Variants in ZNG1C observed in about 807,000 individuals in gnomAD.
ZNG1C encodes zinc-regulated GTPase metalloprotein activator 1C.
At chr9:68,281,279 G>T in the ZNG1C span, among the ~76,000 whole-genome samples, 1 of 152,278 alleles carries the variant, frequency 6.6e-6, no homozygotes, top group Non-Finnish European at 1.5e-5. Flanking sequence ...AGATGGAAAT[G>T]GAGAAATCGC....
the ZNG1C span, among the ~76,000 whole-genome samples, chr9:68,293,283 C>A: frequency 3.3e-5 from 5 of 152,272 alleles, no homozygotes; most frequent in Admixed American, 2.6e-4. Flanking sequence ...ACCAAAAAAA[C>A]AAGGTATACA....
the ZNG1C span, among the ~76,000 whole-genome samples, chr9:68,287,366 CT>C: frequency 6.6e-6 from 1 of 152,122 alleles, no homozygotes; most frequent in Admixed American, 6.5e-5. Context: ...AGGATTGGGA[CT>C]TGGGTATGTG....
chr9:68,299,107 G>C, the ZNG1C span: 2,332 of 1,608,812 alleles, frequency 1.4e-3, 32 homozygotes, highest in African/African-American at 0.025. Context: ...AGTCTCAAAG[G>C]ATTCACAGTT....
chr9:68,290,653 C>G, the ZNG1C span, among the ~76,000 whole-genome samples: 1 of 128,700 alleles, frequency 7.8e-6, no homozygotes, highest in African/African-American at 3.2e-5. Flanking sequence ...AGTTTTCCAA[C>G]TTGCATTAAA....
the ZNG1C span, among the ~76,000 whole-genome samples, chr9:68,260,441 C>T: frequency 6.6e-6 from 1 of 152,028 alleles, no homozygotes; most frequent in South Asian, 2.1e-4. Flanking sequence ...AACGTTTAAC[C>T]TTCTGCTACC....
At chr9:68,296,689 GC>G in the ZNG1C span, among the ~76,000 whole-genome samples, 4 of 151,516 alleles carry the variant, frequency 2.6e-5, no homozygotes, top group East Asian at 7.7e-4. Context: ...TTTGAGCTTG[GC>G]TTTTGAGCCT....
the ZNG1C span, among the ~76,000 whole-genome samples, chr9:68,257,998 G>A: frequency 9.9e-6 from 1 of 101,318 alleles, no homozygotes; most frequent in Non-Finnish European, 2.1e-5. Flanking sequence ...AAAATGAATT[G>A]GTAGTTTGGA....
chr9:68,262,054 T>C, the ZNG1C span, among the ~76,000 whole-genome samples: 1 of 45,862 alleles, frequency 2.2e-5, no homozygotes, highest in African/African-American at 7.3e-5. Flanking sequence ...ATTGATTTTA[T>C]ACTTTTTGCA....
chr9:68,247,074 C>T, the ZNG1C span, among the ~76,000 whole-genome samples: 19 of 152,108 alleles, frequency 1.2e-4, no homozygotes, highest in South Asian at 3.3e-3. Context: ...CCTCGTTATC[C>T]GCCCGCCTTG....
At chr9:68,290,901 A>T in the ZNG1C span, among the ~76,000 whole-genome samples, 1 of 151,272 alleles carries the variant, frequency 6.6e-6, no homozygotes, top group African/African-American at 2.5e-5. Context: ...ATAGTCATGC[A>T]CTGCATAACA....
At chr9:68,280,916 CG>C in the ZNG1C span, among the ~76,000 whole-genome samples, 2 of 104,032 alleles carry the variant, frequency 1.9e-5, no homozygotes, top group African/African-American at 7.4e-5. Context: ...TGGGCAATGG[CG>C]GGCGCCCCTC....
At chr9:68,293,643 CT>C in the ZNG1C span, among the ~76,000 whole-genome samples, 66 of 74,978 alleles carry the variant, frequency 8.8e-4, no homozygotes, top group African/African-American at 3.2e-3. Context: ...TATCACAATC[CT>C]AAACATATGC....
chr9:68,288,647 ATTTTTTTTT>A, the ZNG1C span, among the ~76,000 whole-genome samples: 14 of 56,946 alleles, frequency 2.5e-4, no homozygotes, highest in East Asian at 2.7e-3. Flanking sequence ...TAATTTTTGT[ATTTTTTTTT>A]TTTTTTTTTT....
chr9:68,247,512 C>G, the ZNG1C span: 1 of 1,590,364 alleles, frequency 6.3e-7, no homozygotes, highest in Non-Finnish European at 8.6e-7. Flanking sequence ...TTATAAAATG[C>G]AGTTTCTGCT....
the ZNG1C span, chr9:68,259,558 CTGGAGTGCAG>C: frequency 2.6e-6 from 1 of 378,048 alleles, no homozygotes; most frequent in African/African-American, 2.2e-5. Context: ...GTTGCCCAGG[CTGGAGTGCAG>C]TGGCACCATC....
At chr9:68,251,003 C>T in the ZNG1C span, 1 of 333,286 alleles carries the variant, frequency 3.0e-6, no homozygotes, top group African/African-American at 2.3e-5. Flanking sequence ...CACTTGAGCT[C>T]AGGAGTTTGA....
At chr9:68,256,773 A>C in the ZNG1C span, 20 of 294,636 alleles carry the variant, frequency 6.8e-5, no homozygotes, top group Admixed American at 3.1e-4. Flanking sequence ...TTTTGCTATA[A>C]ATAGTTAAAG....
chr9:68,265,078 G>A, the ZNG1C span, among the ~76,000 whole-genome samples: 1 of 129,768 alleles, frequency 7.7e-6, no homozygotes, highest in African/African-American at 2.9e-5. Context: ...TTTTAGTAGA[G>A]ATGGGGTTTC....
chr9:68,270,975 T>G, the ZNG1C span: 1 of 146,676 alleles, frequency 6.8e-6, no homozygotes, highest in Non-Finnish European at 1.5e-5. Flanking sequence ...TATTTTTTGT[T>G]TTTTAAAATT....
Sources: gnomAD v4.1 joint callset for allele counts (sites outside exome capture counted in the v4.1 genomes callset) on GRCh38, gnomAD v4.1.1 for gene constraint, MANE v1.5 for transcripts, NCBI Gene and HGNC (gene_info 2026-07-23, HGNC 2026-07-21) for gene names.